Variants in PDGFC observed in about 807,000 individuals in gnomAD.
PDGFC encodes the protein platelet-derived growth factor C.
PDGFC carries 12 observed loss-of-function variants against 35.5 expected under a neutral mutation model. The observed-to-expected ratio is 0.34, with a 90% CI of 0.22 to 0.55. The LOEUF is 0.55. Ranked by LOEUF, PDGFC falls within the 20% of genes least tolerant of loss-of-function variation. The pLI, the probability that PDGFC is intolerant of heterozygous loss-of-function variation, is 0.91. For synonymous variants in PDGFC, 159 were observed against 148.8 expected (o/e 1.07, Z -0.50); for missense variants, 322 against 412.4 (o/e 0.78, Z 1.90).
At chr4:156,849,343 T>G (rs1200631461) in intron 2 of PDGFC, among the ~76,000 whole-genome samples, 1 of 152,104 alleles carries the variant, frequency 6.6e-6, no homozygotes, top group Non-Finnish European at 1.5e-5. Context: ...ATAAAAACTG[T>G]GATGACAGCA....
intron 1 of PDGFC, among the ~76,000 whole-genome samples, chr4:156,949,590 A>C (rs568965300): frequency 1.8e-3 from 267 of 152,058 alleles, no homozygotes; most frequent in African/African-American, 5.5e-3. Flanking sequence ...GTGCAAAGAG[A>C]GAACTACCTA....
At chr4:156,841,751 C>A (rs1406866185) in intron 2 of PDGFC, among the ~76,000 whole-genome samples, 1 of 152,096 alleles carries the variant, frequency 6.6e-6, no homozygotes, top group Non-Finnish European at 1.5e-5. Context: ...GGTGAGCCAC[C>A]TATCTTGGTC....
chr4:156,832,697 G>C (rs990809838), intron 2 of PDGFC, among the ~76,000 whole-genome samples: 1 of 152,208 alleles, frequency 6.6e-6, no homozygotes, highest in East Asian at 1.9e-4. Flanking sequence ...TGAACTGCGT[G>C]GGTCCAGTAT....
intron 1 of PDGFC, among the ~76,000 whole-genome samples, chr4:156,929,990 T>C (rs1318704050): frequency 6.6e-6 from 1 of 152,200 alleles, no homozygotes; most frequent in African/African-American, 2.4e-5. Flanking sequence ...CAACACCAAA[T>C]GGGTTGCCAT....
chr4:156,870,889 C>T (rs901782656), intron 1 of PDGFC, among the ~76,000 whole-genome samples: 1 of 151,944 alleles, frequency 6.6e-6, no homozygotes, highest in Non-Finnish European at 1.5e-5. Context: ...CTCTGTAAAG[C>T]GATTGGAAAG....
chr4:156,782,176 C>T (rs1171630571), intron 3 of PDGFC, among the ~76,000 whole-genome samples: 1 of 152,156 alleles, frequency 6.6e-6, no homozygotes, highest in East Asian at 1.9e-4. Context: ...GGGCATTACA[C>T]ATCAGCAAAT....
intron 5 of PDGFC, 89 bp from the exon 6 acceptor site, chr4:156,763,295 C>A (rs371391965): frequency 8.2e-6 from 5 of 613,434 alleles, no homozygotes; most frequent in South Asian, 6.3e-5. Context: ...AGAAAAGAAT[C>A]TTGGGGCCCA....
At chr4:156,964,468 T>TA (rs1282314991) in intron 1 of PDGFC, among the ~76,000 whole-genome samples, 6 of 148,948 alleles carry the variant, frequency 4.0e-5, no homozygotes, top group African/African-American at 9.8e-5. Flanking sequence ...TACATATATA[T>TA]ACAGTATATA....
chr4:156,838,306 G>T (rs1274250657), intron 2 of PDGFC, among the ~76,000 whole-genome samples: 5 of 152,312 alleles, frequency 3.3e-5, no homozygotes, highest in Middle Eastern at 3.4e-3. Flanking sequence ...GACAACAGTT[G>T]GCTCTCAGGG....
At position 156,810,945 on chromosome 4, in the gene PDGFC, T is replaced by C. The variant is rs764600288; in HGVS notation, c.387A>G (p.Val129=). ...TTCCTTTAGAAATCTGTTTTCCTGG[T>C]ACAGTACCAGAACCACACCAGCGCC... ...ILGRWCGSGT[V]PGKQISKGNQ... Residue 129 remains valine, a synonymous_variant, in exon 3 of 6, where the codon GTA becomes GTG. Transcript: ENST00000502773. 2 of 1,608,086 alleles carry C rather than the reference T, an allele frequency of 1.2e-6. No individual in the cohort carries two copies. Among genetic ancestry groups the C allele is most frequent in the South Asian group, 2.2e-5 (2 of 90,898 alleles).
At chr4:156,968,527 T>C (rs1480872754) in intron 1 of PDGFC, among the ~76,000 whole-genome samples, 1 of 152,056 alleles carries the variant, frequency 6.6e-6, no homozygotes, top group African/African-American at 2.4e-5. Flanking sequence ...GAAGTAGAAG[T>C]AGTAGTAGTA....
intron 1 of PDGFC, among the ~76,000 whole-genome samples, chr4:156,950,287 C>T (rs1295827575): frequency 2.0e-5 from 3 of 151,876 alleles, no homozygotes; most frequent in African/African-American, 7.2e-5. Context: ...AGACAAACAG[C>T]TGGCGCTGGA....
intron 3 of PDGFC, chr4:156,779,247 G>C: frequency 6.7e-6 from 3 of 447,392 alleles, no homozygotes; most frequent in South Asian, 4.8e-5. Flanking sequence ...CATTCAAAAA[G>C]TTATCTGGGT....
chr4:156,863,894 C>T (rs764154137), intron 1 of PDGFC, among the ~76,000 whole-genome samples: 49 of 152,108 alleles, frequency 3.2e-4, no homozygotes, highest in Non-Finnish European at 5.4e-4. Flanking sequence ...AATTTTCACA[C>T]ATATATTCAT....
At chr4:156,936,296 A>T (rs1053285995) in intron 1 of PDGFC, among the ~76,000 whole-genome samples, 8 of 152,114 alleles carry the variant, frequency 5.3e-5, no homozygotes, top group African/African-American at 1.9e-4. Flanking sequence ...ACTGCATCTC[A>T]AGAATGGATC....
chr4:156,917,164 G>C (rs562489468), intron 1 of PDGFC, among the ~76,000 whole-genome samples: 4 of 152,288 alleles, frequency 2.6e-5, no homozygotes, highest in African/African-American at 9.6e-5. Flanking sequence ...GACCACTCTT[G>C]ACAGATGGCC....
chr4:156,821,393 A>AT (rs1003468530), intron 2 of PDGFC, among the ~76,000 whole-genome samples: 6 of 148,912 alleles, frequency 4.0e-5, no homozygotes, highest in African/African-American at 1.0e-4. Flanking sequence ...TCACATCTGA[A>AT]TTTTTTTTTC....
At position 156,786,113 on chromosome 4, in the gene PDGFC, C is replaced by G. The variant is rs180678808; in HGVS notation, c.496-13220G>C. Reference sequence around the variant, plus strand: ...CACTAATAGGCTCTTGATTATCTATCTTGTCACCATTTATGTAATATATAT... The same window carrying G: ...CACTAATAGGCTCTTGATTATCTATGTTGTCACCATTTATGTAATATATAT... On this transcript the variant is annotated intron_variant, in intron 3 of 5. Transcript: ENST00000502773. 2.1e-3 allele frequency among the ~76,000 whole-genome samples: 326 copies of G among 152,238 alleles called. 1 individual carries two copies. The highest frequency in any genetic ancestry group is 7.6e-3 in the African/African-American group (315 of 41,528).
At chr4:156,918,988 G>A (rs964963073) in intron 1 of PDGFC, among the ~76,000 whole-genome samples, 1 of 152,048 alleles carries the variant, frequency 6.6e-6, no homozygotes, top group African/African-American at 2.4e-5. Context: ...TTTACAACAC[G>A]ACTTACCAAG....
Sources: allele counts gnomAD v4.1 joint callset (sites outside exome capture counted in the v4.1 genomes callset), GRCh38; gene constraint gnomAD v4.1.1; transcripts MANE v1.5; gene names NCBI Gene and HGNC (gene_info 2026-07-23, HGNC 2026-07-21).